PPARG: variants seen among roughly 807,000 people sequenced by gnomAD.
PPARG encodes the protein peroxisome proliferator-activated receptor gamma.
Under a neutral mutation model 39.2 loss-of-function variants are expected in PPARG, and 17 were observed. The observed-to-expected ratio is 0.43, with a 90% confidence interval of 0.30 to 0.65. The LOEUF is 0.65. Among genes scored for constraint, PPARG ranks in the 30% least tolerant of loss-of-function variants. The pLI is 0.13. For synonymous variants in PPARG, 223 were observed against 215.7 expected, an observed-to-expected ratio of 1.03 and a Z score of -0.30; for missense variants, 406 against 585.9, an observed-to-expected ratio of 0.69 and a Z score of 3.17.
At chr3:12,396,915 G>A (rs2050283970) in intron 5 of PPARG, among the ~76,000 whole-genome samples, 1 of 151,864 alleles carries the variant, frequency 6.6e-6, no homozygotes, top group Non-Finnish European at 1.5e-5. Context: ...TAGAGATGGA[G>A]TCTCCCTGTG....
chr3:12,296,708 T>C lies in PPARG; in HGVS notation c.-83+7574T>C, dbSNP rs559456497. Among the ~76,000 whole-genome samples the C allele has an allele frequency of 2.9e-4, 44 of 152,334 alleles. 1 individual carries two copies. The highest frequency in any genetic ancestry group is 1.0e-3 in the African/African-American group (42 of 41,580). On this transcript the variant is annotated intron_variant, in intron 1 of 7. Coordinates refer to ENST00000651735, the MANE Select transcript of PPARG (RefSeq NM_138711.6). ...GCTCACTAATTAGACCTTGCAACAC[T>C]GGTTCTTTTTAGCTTAGCATGGCTG...
intron 7 of PPARG, among the ~76,000 whole-genome samples, chr3:12,432,125 G>A (rs1412468955): frequency 6.6e-6 from 1 of 152,108 alleles, no homozygotes; most frequent in South Asian, 2.1e-4. Flanking sequence ...AGCTCAGATG[G>A]TTCTGCAAAC....
At chr3:12,303,091 A>G (rs1391136178) in intron 1 of PPARG, among the ~76,000 whole-genome samples, 26 of 152,212 alleles carry the variant, frequency 1.7e-4, no homozygotes, top group Admixed American at 1.7e-3. Flanking sequence ...TTTCATAGCA[A>G]TATCCACAGT....
chr3:12,328,168 G>T, intron 2 of PPARG: 2 of 1,324,048 alleles, frequency 1.5e-6, no homozygotes, highest in Non-Finnish European at 2.2e-6. Flanking sequence ...GCAGCAAATA[G>T]CGAAGAAAAA....
At chr3:12,332,508 G>A (rs781500649) in intron 2 of PPARG, among the ~76,000 whole-genome samples, 4 of 152,166 alleles carry the variant, frequency 2.6e-5, no homozygotes, top group Non-Finnish European at 5.9e-5. Context: ...AACTTTCAGT[G>A]TGTTAAGGGT....
intron 2 of PPARG, chr3:12,371,945 A>G: frequency 1.4e-6 from 1 of 714,846 alleles, no homozygotes; most frequent in South Asian, 1.5e-5. Context: ...AGTGATCTTG[A>G]TCTGCATGAA....
intron 4 of PPARG, among the ~76,000 whole-genome samples, chr3:12,389,232 A>G (rs181689460): frequency 4.6e-5 from 7 of 152,248 alleles, no homozygotes; most frequent in African/African-American, 1.7e-4. Flanking sequence ...TTTGGCAATC[A>G]ATATTAGTGA....
intron 2 of PPARG, among the ~76,000 whole-genome samples, chr3:12,320,253 T>C (rs1319135071): frequency 6.6e-6 from 1 of 152,228 alleles, no homozygotes; most frequent in Admixed American, 6.5e-5. Flanking sequence ...TGCATGTATG[T>C]ATCGCTAGAG....
In PPARG at chr3:12,392,728, C is replaced by T; in HGVS notation, c.505C>T (p.Leu169Phe). Residue 169 changes from leucine to phenylalanine, a missense_variant, in exon 5 of 8, where the codon CTT becomes TTT. By Grantham distance (22) the Leu-to-Phe change is conservative. Around this residue, in one of 2 missense-constraint regions of PPARG, gnomAD observed 275 missense variants for 458.0 expected, o/e 0.60. Transcript: ENST00000651735. ...TCAGTACTGTCGGTTTCAGAAATGC[C>T]TTGCAGTGGGGATGTCTCATAATGG... is the stretch of plus-strand genomic sequence containing the variant. ...KCQYCRFQKC[L>F]AVGMSHNAIR... is the part of the protein sequence containing the mutation. 1 of 1,613,828 alleles carries T rather than the reference C, an allele frequency of 6.2e-7. No individual in the cohort carries two copies. The highest frequency in any genetic ancestry group is 8.5e-7 in the Non-Finnish European group (1 of 1,179,814).
At chr3:12,427,704 C>T (rs911388221) in intron 7 of PPARG, among the ~76,000 whole-genome samples, 2 of 152,144 alleles carry the variant, frequency 1.3e-5, no homozygotes, top group African/African-American at 4.8e-5. Flanking sequence ...TTTCCCAATC[C>T]ACTGCCTCCT....
At chr3:12,389,671 A>T (rs142031945) in intron 4 of PPARG, among the ~76,000 whole-genome samples, 314 of 152,248 alleles carry the variant, frequency 2.1e-3, no homozygotes, top group African/African-American at 6.8e-3. Flanking sequence ...TGGGTGGATC[A>T]CTTGAGGCTG....
intron 2 of PPARG, among the ~76,000 whole-genome samples, chr3:12,358,813 C>T (rs2048746258): frequency 6.6e-6 from 1 of 152,172 alleles, no homozygotes; most frequent in South Asian, 2.1e-4. Flanking sequence ...GAGAAACCAA[C>T]TCAATTTTCA....
intron 6 of PPARG, 143 bp downstream of exon 6, chr3:12,406,224 G>A (rs912685829): frequency 4.7e-6 from 4 of 848,044 alleles, no homozygotes; most frequent in Non-Finnish European, 7.9e-6. Context: ...TGCAGGCTGA[G>A]TCTGAAACGC....
chr3:12,289,616 G>A (rs1323998832), intron 1 of PPARG, among the ~76,000 whole-genome samples: 2 of 152,186 alleles, frequency 1.3e-5, no homozygotes, highest in African/African-American at 2.4e-5. Context: ...ACAGGTTTCA[G>A]GTATTTTATG....
At chr3:12,334,935 A>T (rs1322886327) in intron 2 of PPARG, among the ~76,000 whole-genome samples, 1 of 152,210 alleles carries the variant, frequency 6.6e-6, no homozygotes, top group African/African-American at 2.4e-5. Context: ...TTTACTTACG[A>T]CTACGGATTT....
Position 12,381,435 on chromosome 3 carries a change from T to C in PPARG, c.334T>C (p.Cys112Arg). 1 of 1,613,682 alleles carries C rather than the reference T, an allele frequency of 6.2e-7. No individual in the cohort carries two copies. The highest frequency in any genetic ancestry group is 8.5e-7 in the Non-Finnish European group (1 of 1,179,782). Reference sequence around the variant, plus strand: ...CCTCATGGCAATTGAATGTCGTGTCTGTGGAGATAAAGCTTCTGGATTTCA... The same window carrying C: ...CCTCATGGCAATTGAATGTCGTGTCCGTGGAGATAAAGCTTCTGGATTTCA... ...NSLMAIECRV[C>R]GDKASGFHYG... The change falls in exon 4 of 8, where the codon TGT becomes CGT. Residue 112 changes from cysteine (C) to arginine (R), a missense_variant. This residue lies in a region of PPARG where 275 missense variants were observed against 458.0 expected (regional missense o/e 0.60). Transcript: ENST00000651735.
At chr3:12,295,158 G>A (rs190229981) in intron 1 of PPARG, among the ~76,000 whole-genome samples, 2 of 152,240 alleles carry the variant, frequency 1.3e-5, no homozygotes, top group East Asian at 3.9e-4. Context: ...GAATCTCAAA[G>A]TGTTCCTTAC....
At position 12,351,635 on chromosome 3, in the gene PPARG, G is replaced by T. The variant is rs943725719; in HGVS notation, c.-8-28069G>T. Reference sequence around the variant, plus strand: ...AGATTCTCCTATTGACCCAGAAAGCGATTCCTTCACTGATACACTGTCTGC... The same window carrying T: ...AGATTCTCCTATTGACCCAGAAAGCTATTCCTTCACTGATACACTGTCTGC... On this transcript the variant is annotated intron_variant, in intron 2 of 7. Transcript: ENST00000651735. 1.9e-6 allele frequency: 3 copies of T among 1,611,860 alleles called. No homozygotes were observed. In the East Asian group the frequency reaches 6.7e-5, roughly 36 times the overall value.
At chr3:12,413,068 A>G (rs986940901) in intron 6 of PPARG, among the ~76,000 whole-genome samples, 2 of 152,230 alleles carry the variant, frequency 1.3e-5, no homozygotes, top group African/African-American at 2.4e-5. Context: ...AAAAACAGCC[A>G]TGGAAGTGCA....
Sources: allele counts gnomAD v4.1 joint callset (sites outside exome capture counted in the v4.1 genomes callset), GRCh38; gene constraint gnomAD v4.1.1; regional missense constraint gnomAD v4.1.1; transcripts MANE v1.5; gene names NCBI Gene and HGNC (gene_info 2026-07-23, HGNC 2026-07-21).